Variants in PYROXD1 observed in about 807,000 individuals in gnomAD.
The protein encoded by PYROXD1 is tRNA ligase complex-associated NAD(P)H dehydrogenase PYROXD1.
PYROXD1 carries 42 observed loss-of-function variants against 62.0 expected under a neutral mutation model. The observed-to-expected ratio is 0.68, with a 90% confidence interval of 0.53 to 0.88. The LOEUF is 0.88. Among genes scored for constraint, PYROXD1 ranks in the 40% least tolerant of loss-of-function variants. The probability of loss-of-function intolerance (pLI) is 0.00; values close to 1 mark genes in which losing one functional copy is unlikely to be tolerated. For missense variants in PYROXD1, 493 were observed against 604.8 expected (o/e 0.82, Z 1.94); for synonymous variants, 170 against 206.4 (o/e 0.82, Z 1.51).
Position 21,470,367 on chromosome 12 carries a change from C to G in PYROXD1, c.*1613C>G. ...TCAGCCTACAAAAAAAAAAAAAAAA[C>G]AAAGCAAGCACCTTGGTAAAAATCC... On this transcript the variant is annotated 3_prime_UTR_variant, in exon 12 of 12. Transcript: ENST00000240651. 1 of 869,388 alleles carries G rather than the reference C, an allele frequency of 1.2e-6. No homozygotes were observed. Among genetic ancestry groups the G allele is most frequent in the Non-Finnish European group, 1.6e-6 (1 of 617,692 alleles). The allele number at this position is 869,388 out of a possible 1,614,324, so 53.9% of individuals were successfully genotyped here.
chr12:21,447,031 T>C (rs180752427), intron 3 of PYROXD1, among the ~76,000 whole-genome samples: 102 of 152,358 alleles, frequency 6.7e-4, no homozygotes, highest in African/African-American at 2.4e-3. Flanking sequence ...ATTTCTGCTA[T>C]AAATTTGGCA....
chr12:21,441,445 TTC>T (rs1942292995), intron 2 of PYROXD1: 1 of 39,288 alleles, frequency 2.5e-5, no homozygotes, highest in Non-Finnish European at 5.7e-5. Flanking sequence ...AATTCCCTAC[TTC>T]TATGTTCTTT....
intron 10 of PYROXD1, among the ~76,000 whole-genome samples, chr12:21,463,747 C>T (rs1039778625): frequency 2.0e-5 from 3 of 151,652 alleles, no homozygotes; most frequent in Admixed American, 2.0e-4. Flanking sequence ...CTTAACAAGT[C>T]CCAACTGGAT....
At chr12:21,465,496 C>T (rs530672262) in intron 10 of PYROXD1, among the ~76,000 whole-genome samples, 30 of 150,926 alleles carry the variant, frequency 2.0e-4, no homozygotes, top group African/African-American at 5.1e-4. Context: ...TCATATCCTT[C>T]GCCGACTTTT....
At chr12:21,449,965 C>T (rs1942462725) in intron 4 of PYROXD1, among the ~76,000 whole-genome samples, 2 of 151,288 alleles carry the variant, frequency 1.3e-5, no homozygotes, top group Non-Finnish European at 2.9e-5. Flanking sequence ...TCACGCCATT[C>T]TCCTGCCTCA....
intron 6 of PYROXD1, among the ~76,000 whole-genome samples, 180 bp downstream of exon 6, chr12:21,455,472 A>G (rs1351459406): frequency 1.3e-5 from 2 of 148,240 alleles, no homozygotes; most frequent in African/African-American, 5.0e-5. Flanking sequence ...TTATATATAT[A>G]TATATAATTA....
chr12:21,455,370 T>G (rs1942576878), intron 6 of PYROXD1, 78 bp downstream of exon 6: 1 of 875,746 alleles, frequency 1.1e-6, no homozygotes, highest in South Asian at 4.3e-5. Context: ...CAAGAAAATT[T>G]AATAAAATAA....
intron 7 of PYROXD1, among the ~76,000 whole-genome samples, chr12:21,458,087 C>G (rs1318324650): frequency 6.6e-6 from 1 of 152,144 alleles, no homozygotes; most frequent in Non-Finnish European, 1.5e-5. Context: ...TTGACTTCTC[C>G]TCTATAGTTG....
rs781211497 is a variant in PYROXD1 at position 21,471,119 on chromosome 12, CAAT to C, written c.*2368_*2370del. The C allele has an allele frequency of 1.3e-6, 2 of 1,546,244 alleles. No homozygotes were observed. Among genetic ancestry groups the C allele is most frequent in the Non-Finnish European group, 1.7e-6 (2 of 1,156,244 alleles). ...CTTCTCTGCAGAAAATAAAGGCCAA[CAAT>C]AAGAAAGCTTTTGAAGGAATCACGG... On this transcript the variant is annotated 3_prime_UTR_variant, in exon 12 of 12. Transcript: ENST00000240651.
intron 10 of PYROXD1, among the ~76,000 whole-genome samples, chr12:21,463,782 C>T (rs1303999906): frequency 3.3e-5 from 5 of 151,980 alleles, no homozygotes; most frequent in Admixed American, 6.6e-5. Flanking sequence ...ACCCTCACAG[C>T]TTTACCTACC....
chr12:21,457,668 A>G (rs766321424), intron 7 of PYROXD1, among the ~76,000 whole-genome samples: 40 of 152,102 alleles, frequency 2.6e-4, no homozygotes, highest in Non-Finnish European at 5.4e-4. Context: ...AAGGGGAATT[A>G]TGCACTTCTT....
At chr12:21,449,880 C>T (rs547087425) in intron 4 of PYROXD1, among the ~76,000 whole-genome samples, 189 bp downstream of exon 4, 134 of 141,866 alleles carry the variant, frequency 9.4e-4, no homozygotes, top group East Asian at 1.7e-3. Flanking sequence ...TTTTTTGAAA[C>T]GGAGTCTCGC....
chr12:21,455,466 AT>A (rs1942579367), intron 6 of PYROXD1, among the ~76,000 whole-genome samples, 174 bp downstream of exon 6: 2 of 149,288 alleles, frequency 1.3e-5, no homozygotes, highest in East Asian at 3.9e-4. Context: ...TGTATTTTAT[AT>A]ATATATATAT....
intron 4 of PYROXD1, 141 bp downstream of exon 4, chr12:21,449,832 A>ATG: frequency 1.7e-6 from 1 of 583,608 alleles, no homozygotes; most frequent in Middle Eastern, 3.5e-4. Context: ...CAGAGTGGTT[A>ATG]TGTTTTATTC....
At chr12:21,439,730 T>A (rs1255719351) in intron 1 of PYROXD1, among the ~76,000 whole-genome samples, 1 of 152,080 alleles carries the variant, frequency 6.6e-6, no homozygotes, top group Non-Finnish European at 1.5e-5. Context: ...AACCAGACTT[T>A]GAGATAAGAA....
intron 7 of PYROXD1, chr12:21,457,120 G>A (rs1350258832): frequency 1.8e-5 from 5 of 276,184 alleles, no homozygotes; most frequent in South Asian, 1.3e-4. Flanking sequence ...TTTTGTTAAT[G>A]TTGATATTTT....
chr12:21,467,850 ATT>A (rs950623123), intron 11 of PYROXD1, among the ~76,000 whole-genome samples: 6 of 151,856 alleles, frequency 4.0e-5, no homozygotes, highest in African/African-American at 1.2e-4. Context: ...AGGGAAAAAA[ATT>A]TCTCTCTAGA....
At chr12:21,463,683 A>T (rs1290781534) in intron 10 of PYROXD1, among the ~76,000 whole-genome samples, 1 of 93,946 alleles carries the variant, frequency 1.1e-5, no homozygotes, top group East Asian at 3.2e-4. Flanking sequence ...CAAGAGCAAA[A>T]CTCTGTCTCA....
At chr12:21,465,019 A>G (rs1591957611) in intron 10 of PYROXD1, among the ~76,000 whole-genome samples, 1 of 152,272 alleles carries the variant, frequency 6.6e-6, no homozygotes, top group East Asian at 1.9e-4. Context: ...TTATGGCTGC[A>G]TAGTATTCCA....
Sources: allele counts gnomAD v4.1 joint callset (sites outside exome capture counted in the v4.1 genomes callset), GRCh38; gene constraint gnomAD v4.1.1; transcripts MANE v1.5; gene names NCBI Gene and HGNC (gene_info 2026-07-23, HGNC 2026-07-21).